MAPK4: variants seen among roughly 807,000 people sequenced by gnomAD.
MAPK4 encodes Erk3-related.
MAPK4 carries 22 observed loss-of-function variants against 47.7 expected under a neutral mutation model. That is an observed-to-expected ratio of 0.46 (90% CI 0.33 to 0.66). The LOEUF is 0.66. Among genes scored for constraint, MAPK4 ranks in the 30% least tolerant of loss-of-function variants. The pLI is 0.02. For missense variants in MAPK4, 736 were observed against 831.7 expected, an observed-to-expected ratio of 0.88 and a Z score of 1.42; for synonymous variants, 390 against 365.7, an observed-to-expected ratio of 1.07 and a Z score of -0.76.
At chr18:50,676,752 C>T (rs1024782308) in intron 2 of MAPK4, among the ~76,000 whole-genome samples, 4 of 152,096 alleles carry the variant, frequency 2.6e-5, no homozygotes, top group South Asian at 2.1e-4. Flanking sequence ...AATTGTTACA[C>T]GAGTATGTTC....
chr18:50,578,204 C>T (rs925581706), intron 1 of MAPK4, among the ~76,000 whole-genome samples: 8 of 152,160 alleles, frequency 5.3e-5, no homozygotes, highest in South Asian at 2.1e-4. Context: ...AAACTGCGAG[C>T]GCTCAGCTAT....
chr18:50,629,083 C>T (rs1051060490), intron 1 of MAPK4, among the ~76,000 whole-genome samples: 1 of 152,306 alleles, frequency 6.6e-6, no homozygotes, highest in African/African-American at 2.4e-5. Context: ...TGCTTGACTT[C>T]GTTCTTTCTG....
At chr18:50,643,959 G>C (rs919467173) in intron 1 of MAPK4, among the ~76,000 whole-genome samples, 1 of 151,652 alleles carries the variant, frequency 6.6e-6, no homozygotes, top group African/African-American at 2.4e-5. Flanking sequence ...ATCATTATGG[G>C]GTTATATTGA....
Position 50,664,509 on chromosome 18 carries a change from G to A in MAPK4, c.546+5G>A. On this transcript the variant is annotated splice_donor_5th_base_variant and intron_variant, in intron 2 of 5. Transcript: ENST00000400384. The surrounding 1 kb of genome is among the most constrained non-coding windows in gnomAD (Gnocchi z 6.0). ...GATCAGCATTACTCCCACAAGGTAT[G>A]TCTGGCTGGAATGGCGGATACTGGT... is the stretch of plus-strand genomic sequence containing the variant. 1.3e-6 allele frequency: 2 copies of A among 1,575,476 alleles called. No individual in the cohort carries two copies. Among genetic ancestry groups the A allele is most frequent in the Non-Finnish European group, 1.7e-6 (2 of 1,157,252 alleles).
rs138182859 is a variant in MAPK4, at chr18:50,589,088, C to T, written c.-871+28845C>T. 1.3e-3 allele frequency among the ~76,000 whole-genome samples: 203 copies of T among 152,236 alleles called. 1 individual carries two copies. The highest frequency in any genetic ancestry group is 2.4e-3 in the Non-Finnish European group (162 of 68,012). ...AAATTCAGGAATAGCAAGTTCAATC[C>T]AAGGTGAAAATATGGTTGAGAAACA... On this transcript the variant is annotated intron_variant, in intron 1 of 5. Coordinates refer to ENST00000400384, the MANE Select transcript of MAPK4 (RefSeq NM_002747.4).
Position 50,590,517 on chromosome 18 carries a change from A to C in MAPK4, c.-871+30274A>C, listed in dbSNP as rs192681092. On this transcript the variant is annotated intron_variant, in intron 1 of 5. Transcript: ENST00000400384. ...GAGCTGATCAGAAGGTGGACCTGTC[A>C]GTCCAGCTCACCACACCTTATACAA... is the stretch of plus-strand genomic sequence containing the variant. Among the ~76,000 whole-genome samples the C allele has an allele frequency of 9.5e-3, 1,453 of 152,354 alleles. 24 individuals carry two copies. Among genetic ancestry groups the C allele is most frequent in the African/African-American group, 0.033 (1,392 of 41,578 alleles).
At chr18:50,650,089 G>A (rs912100808) in intron 1 of MAPK4, among the ~76,000 whole-genome samples, 18 of 152,334 alleles carry the variant, frequency 1.2e-4, no homozygotes, top group Admixed American at 2.6e-4. Context: ...CTTGGCTACT[G>A]GCAGGATTGC....
chr18:50,729,230 C>A lies in MAPK4; in HGVS notation c.1140C>A (p.Arg380=). The change falls in exon 6 of 6, where the codon CGC becomes CGA. Residue 380 remains arginine (R), a synonymous_variant. Transcript: ENST00000400384. ...DRCQDASEVQ[R]DPRAGSAPLA... is the part of the protein sequence containing the mutation. The stretch of plus-strand genomic sequence containing the variant: ...GCCAGGACGCCAGCGAGGTACAGCG[C>A]GACCCGCGCGCGGGTTCGGCGCCAC... 1 of 1,607,794 alleles carries A rather than the reference C, an allele frequency of 6.2e-7. No homozygotes were observed.
intron 1 of MAPK4, among the ~76,000 whole-genome samples, chr18:50,649,525 A>G (rs1158736639): frequency 6.6e-6 from 1 of 152,042 alleles, no homozygotes; most frequent in East Asian, 1.9e-4. Context: ...CCTCCCGCCT[A>G]TGCTGACCTG....
chr18:50,703,206 T>G (rs1346611544), intron 2 of MAPK4, among the ~76,000 whole-genome samples: 1 of 152,136 alleles, frequency 6.6e-6, no homozygotes, highest in East Asian at 1.9e-4. Flanking sequence ...CCATCCCCAC[T>G]GCCTGTACTT....
At chr18:50,634,318 T>TC (rs1240163816) in intron 1 of MAPK4, among the ~76,000 whole-genome samples, 3 of 151,058 alleles carry the variant, frequency 2.0e-5, no homozygotes, top group African/African-American at 7.3e-5. Flanking sequence ...TTTTTTTCTT[T>TC]TTTTTTTTTC....
In MAPK4 at chr18:50,671,761, A is replaced by G. The variant is rs182980050; in HGVS notation, c.546+7257A>G. On this transcript the variant is annotated intron_variant, in intron 2 of 5. Coordinates refer to ENST00000400384, the MANE Select transcript of MAPK4 (RefSeq NM_002747.4). ...AAAAATTAGCCAGGTATAGTGGTGC[A>G]CACCTATAGTCCCAGCCACTCAGGA... Among the ~76,000 whole-genome samples, 570 of 152,058 alleles carry G rather than the reference A, an allele frequency of 3.7e-3. 2 individuals are homozygous for G. Among genetic ancestry groups the G allele is most frequent in the African/African-American group, 0.012 (491 of 41,460 alleles).
intron 1 of MAPK4, among the ~76,000 whole-genome samples, chr18:50,609,396 G>C (rs1261533673): frequency 1.4e-5 from 2 of 140,766 alleles, no homozygotes; most frequent in African/African-American, 5.3e-5. Context: ...GCTGCCCCCC[G>C]CCTCCCTCCC....
intron 1 of MAPK4, among the ~76,000 whole-genome samples, chr18:50,648,437 A>T (rs1470304133): frequency 6.6e-6 from 1 of 152,068 alleles, no homozygotes; most frequent in Non-Finnish European, 1.5e-5. Context: ...GGCAGTGGAG[A>T]GCTATTCAAA....
chr18:50,581,519 T>C (rs569553606), intron 1 of MAPK4, among the ~76,000 whole-genome samples: 3 of 152,356 alleles, frequency 2.0e-5, no homozygotes, highest in African/African-American at 7.2e-5. Flanking sequence ...ATTGCCCTTT[T>C]CTTTCTCTTC....
chr18:50,643,518 A>G (rs369248124), intron 1 of MAPK4, among the ~76,000 whole-genome samples: 19 of 152,356 alleles, frequency 1.2e-4, no homozygotes, highest in East Asian at 1.2e-3. Context: ...ATGAAACTCC[A>G]TCTCTAAATA....
chr18:50,705,024 T>A (rs1205426195), intron 2 of MAPK4: 1 of 367,286 alleles, frequency 2.7e-6, no homozygotes, highest in Non-Finnish European at 4.8e-6. Context: ...CCAGGCAAGA[T>A]TAGCAGCCTG....
intron 1 of MAPK4, among the ~76,000 whole-genome samples, chr18:50,627,370 T>C (rs2042788164): frequency 6.6e-6 from 1 of 152,130 alleles, no homozygotes; most frequent in Non-Finnish European, 1.5e-5. Flanking sequence ...TTACAATGGA[T>C]AGCAATAGTT....
chr18:50,645,563 C>T (rs2042981387), intron 1 of MAPK4, among the ~76,000 whole-genome samples: 1 of 152,100 alleles, frequency 6.6e-6, no homozygotes, highest in Non-Finnish European at 1.5e-5. Flanking sequence ...TTTTTTTCTA[C>T]AATGAGCCTA....
Sources: allele counts gnomAD v4.1 joint callset (sites outside exome capture counted in the v4.1 genomes callset), GRCh38; gene constraint gnomAD v4.1.1; non-coding constraint Gnocchi (gnomAD v3.1); transcripts MANE v1.5; gene names NCBI Gene and HGNC (gene_info 2026-07-23, HGNC 2026-07-21).